Variants in GATAD2A observed in about 807,000 individuals in gnomAD.
GATAD2A encodes the protein transcriptional repressor p66-alpha.
Under a neutral mutation model 68.5 loss-of-function variants are expected in GATAD2A, and 12 were observed. The ratio of observed to expected loss-of-function variants is 0.18; its 90% CI spans 0.11 to 0.28. The LOEUF is 0.28. Ranked by LOEUF, GATAD2A falls within the 10% of genes least tolerant of loss-of-function variation. GATAD2A has a pLI of 1.00. For synonymous variants in GATAD2A, 410 were observed against 375.3 expected (o/e 1.09, Z -1.07); for missense variants, 755 against 868.5 (o/e 0.87, Z 1.64).
At chr19:19,486,572 C>T (rs1005991286) in intron 2 of GATAD2A, among the ~76,000 whole-genome samples, 3 of 152,220 alleles carry the variant, frequency 2.0e-5, no homozygotes, top group African/African-American at 7.2e-5. Context: ...CAGCTCCCGG[C>T]AAACAACTCC....
At chr19:19,458,002 G>A (rs913203484) in intron 1 of GATAD2A, among the ~76,000 whole-genome samples, 15 of 152,280 alleles carry the variant, frequency 9.9e-5, no homozygotes, top group African/African-American at 2.9e-4. Context: ...GCAGGGAGAC[G>A]ATCTCTCAGT....
At chr19:19,484,919 C>A (rs181499965) in intron 2 of GATAD2A, among the ~76,000 whole-genome samples, 2 of 152,348 alleles carry the variant, frequency 1.3e-5, no homozygotes, top group Non-Finnish European at 2.9e-5. Context: ...GCTTGACTCA[C>A]TTCACTCCAG....
At chr19:19,452,924 T>C (rs1158585832) in intron 1 of GATAD2A, among the ~76,000 whole-genome samples, 1 of 152,142 alleles carries the variant, frequency 6.6e-6, no homozygotes, top group East Asian at 1.9e-4. Flanking sequence ...CCAGGTAATG[T>C]GTCCTCAGGA....
chr19:19,396,372 C>G (rs1486067356), intron 1 of GATAD2A, among the ~76,000 whole-genome samples: 1 of 152,174 alleles, frequency 6.6e-6, no homozygotes, highest in African/African-American at 2.4e-5. Flanking sequence ...TGAGGTTGGA[C>G]AACAATCTGT....
chr19:19,501,308 G>A lies in GATAD2A; in HGVS notation c.1395G>A (p.Lys465=). ...GCCGGCTGAAGGCCGCCTTTGTGAA[G>A]GCGCTGCAGCAGGAACAGGAGATTG... ...HTSRLKAAFV[K]ALQQEQEIEQ... is the part of the protein sequence containing the mutation. The change falls in exon 9 of 12, where the codon AAG becomes AAA. Residue 465 remains lysine (K), a synonymous_variant. Transcript: ENST00000683918. The A allele has an allele frequency of 6.2e-7, 1 of 1,613,178 alleles. No individual in the cohort carries two copies. The highest frequency in any genetic ancestry group is 1.1e-5 in the South Asian group (1 of 91,090).
At chr19:19,500,152 C>G (rs1339003625) in intron 8 of GATAD2A, among the ~76,000 whole-genome samples, 1 of 152,226 alleles carries the variant, frequency 6.6e-6, no homozygotes, top group Non-Finnish European at 1.5e-5. Context: ...AGACTTTGAG[C>G]CCTGCTGGAG....
At chr19:19,406,194 GC>G (rs1422548361) in intron 1 of GATAD2A, among the ~76,000 whole-genome samples, 175 bp downstream of exon 1, 54 of 151,900 alleles carry the variant, frequency 3.6e-4, no homozygotes, top group African/African-American at 1.3e-3. Flanking sequence ...GCGTCTTCTT[GC>G]GCTGCCCTGG....
At chr19:19,392,409 T>TC (rs1206095160) in intron 1 of GATAD2A, among the ~76,000 whole-genome samples, 7 of 147,878 alleles carry the variant, frequency 4.7e-5, no homozygotes, top group Non-Finnish European at 7.5e-5. Context: ...TTTTTTTTTT[T>TC]CCAGACAGAG....
intron 1 of GATAD2A, among the ~76,000 whole-genome samples, chr19:19,436,646 C>G (rs1197685464): frequency 6.6e-6 from 1 of 152,258 alleles, no homozygotes. Flanking sequence ...TACCTTGCCT[C>G]GTGCCTCATG....
Position 19,406,000 on chromosome 19 carries a change from C to A in GATAD2A, c.-26C>A. ...CCGTAACCTGCGCGCTGCCCTAGGG[C>A]CCGGCCGACCCGCGGCCCGGTAAGT... On this transcript the variant is annotated 5_prime_UTR_variant, in exon 1 of 12. Coordinates refer to ENST00000683918, the MANE Select transcript of GATAD2A (RefSeq NM_001384528.1). 6.6e-6 allele frequency: 1 copy of A among 151,102 alleles called. No homozygotes were observed. Among genetic ancestry groups the A allele is most frequent in the East Asian group, 1.9e-4 (1 of 5,164 alleles). The allele number at this position is 151,102 out of a possible 1,614,324, so 9.4% of individuals were successfully genotyped here.
At position 19,405,917 on chromosome 19, in the gene GATAD2A, C is replaced by G. The variant is rs1369654398; in HGVS notation, c.-109C>G. 6.9e-6 allele frequency: 1 copy of G among 145,912 alleles called. No individual in the cohort carries two copies. Among genetic ancestry groups the G allele is most frequent in the African/African-American group, 2.5e-5 (1 of 40,646 alleles). 9.0% of individuals were successfully genotyped at this position (145,912 alleles called of 1,614,324 possible). On this transcript the variant is annotated 5_prime_UTR_variant, in exon 1 of 12. Transcript: ENST00000683918. ...CACAGGCGGAACGAGCGCGCGCGGC[C>G]CGGCGTCCCCGGCCCCTCCGCCGCC... is the stretch of plus-strand genomic sequence containing the variant.
At chr19:19,405,555 G>T (rs925388424), upstream of GATAD2A, among the ~76,000 whole-genome samples, 4 of 152,108 alleles carry the variant, frequency 2.6e-5, no homozygotes, top group Non-Finnish European at 4.4e-5. Flanking sequence ...CCGGAGAGGG[G>T]CGGTGCTTCC....
chr19:19,385,981 C>G (rs1204212524), exon 1 of GATAD2A: 2 of 149,692 alleles, frequency 1.3e-5, no homozygotes, highest in South Asian at 1.9e-4. Flanking sequence ...CGCAGTCGGT[C>G]GGTCGGTCGT....
intron 2 of GATAD2A, among the ~76,000 whole-genome samples, chr19:19,469,811 G>A (rs1434235338): frequency 6.6e-6 from 1 of 152,140 alleles, no homozygotes; most frequent in Admixed American, 6.5e-5. Flanking sequence ...GCCAGGCGTG[G>A]TGGCACGCAC....
At chr19:19,494,581 A>C (rs980420519) in intron 5 of GATAD2A, among the ~76,000 whole-genome samples, 198 bp downstream of exon 5, 1 of 152,236 alleles carries the variant, frequency 6.6e-6, no homozygotes, top group Admixed American at 6.5e-5. Context: ...CCCACGGCCC[A>C]AAGTAGGCCA....
intron 1 of GATAD2A, among the ~76,000 whole-genome samples, chr19:19,410,127 T>A (rs979214148): frequency 3.9e-5 from 6 of 152,134 alleles, no homozygotes; most frequent in African/African-American, 1.4e-4. Context: ...CTCCTCAGCC[T>A]CCAGAGGCAC....
At chr19:19,412,708 A>T (rs1465161180) in intron 1 of GATAD2A, among the ~76,000 whole-genome samples, 2 of 152,132 alleles carry the variant, frequency 1.3e-5, no homozygotes, top group African/African-American at 2.4e-5. Flanking sequence ...TCTACAAATA[A>T]TACCAACTTA....
At chr19:19,435,613 G>A (rs1331217376) in intron 1 of GATAD2A, among the ~76,000 whole-genome samples, 3 of 152,180 alleles carry the variant, frequency 2.0e-5, no homozygotes, top group Non-Finnish European at 4.4e-5. Context: ...ACTTTGGGAG[G>A]TCGAGGTGGG....
chr19:19,394,781 T>C (rs2049104035), intron 1 of GATAD2A, among the ~76,000 whole-genome samples: 1 of 152,176 alleles, frequency 6.6e-6, no homozygotes, highest in African/African-American at 2.4e-5. Flanking sequence ...GAAGGTGCTG[T>C]TTAGACTTTT....
Sources: allele counts gnomAD v4.1 joint callset (sites outside exome capture counted in the v4.1 genomes callset), GRCh38; gene constraint gnomAD v4.1.1; transcripts MANE v1.5; gene names NCBI Gene and HGNC (gene_info 2026-07-23, HGNC 2026-07-21).